CHD1L: variants seen among roughly 807,000 people sequenced by gnomAD.
CHD1L encodes the protein chromodomain helicase DNA binding protein 1 like.
CHD1L carries 118 observed loss-of-function variants against 115.9 expected under a neutral mutation model. That is an observed-to-expected ratio of 1.02 (90% CI 0.88 to 1.19). The LOEUF (loss-of-function observed/expected upper bound fraction) is 1.19, where lower values mean the gene tolerates loss of function less well. Among genes scored for constraint, CHD1L ranks in the 50% most tolerant of loss-of-function variants. The pLI, the probability that CHD1L is intolerant of heterozygous loss-of-function variation, is 0.00. For missense variants in CHD1L, 1,179 were observed against 1,065.3 expected (o/e 1.11, Z -1.49); for synonymous variants, 411 against 387.1 (o/e 1.06, Z -0.72).
At position 147,254,936 on chromosome 1, in the gene CHD1L, C is replaced by G; in HGVS notation, c.307C>G (p.Pro103Ala). The change falls in exon 3 of 23, where the codon CCC (proline) becomes GCC (alanine). Residue 103 changes from proline (P) to alanine (A), a missense_variant. Transcript: ENST00000369258. ...NDEGPFLILC[P>A]LSVLSNWKEE... is the part of the protein sequence containing the mutation. Reference sequence around the variant, plus strand: ...TGAAGGGCCATTTCTGATTCTTTGTCCCTTGTCTGTTTTGAGCAACTGGAA... The same window carrying G: ...TGAAGGGCCATTTCTGATTCTTTGTGCCTTGTCTGTTTTGAGCAACTGGAA... The G allele has an allele frequency of 6.2e-7, 1 of 1,610,152 alleles. No individual in the cohort carries two copies. Among genetic ancestry groups the G allele is most frequent in the Non-Finnish European group, 8.5e-7 (1 of 1,178,502 alleles).
chr1:147,230,618 G>A, the CHD1L span, among the ~76,000 whole-genome samples: 2 of 117,512 alleles, frequency 1.7e-5, no homozygotes, highest in Admixed American at 1.7e-4. Flanking sequence ...GGTAGAATTC[G>A]GCTGTGAATC....
the CHD1L span, chr1:147,203,477 T>C: frequency 1.2e-6 from 1 of 833,540 alleles, no homozygotes; most frequent in Non-Finnish European, 2.1e-6. Context: ...ACAGCCTCAG[T>C]ATCTAATCCA....
chr1:147,275,285 G>C, intron 12 of CHD1L, 69 bp from the exon 13 acceptor site: 1 of 1,165,228 alleles, frequency 8.6e-7, no homozygotes, highest in Non-Finnish European at 1.3e-6. Flanking sequence ...ACCCACTCTA[G>C]CCTTGTGCTT....
chr1:147,273,320 G>A (rs1442318016), intron 12 of CHD1L, among the ~76,000 whole-genome samples: 1 of 152,180 alleles, frequency 6.6e-6, no homozygotes, highest in Non-Finnish European at 1.5e-5. Context: ...CTCTATTAAA[G>A]ACAGATTGAC....
Position 147,264,601 on chromosome 1 carries a change from C to G in CHD1L, c.739+17C>G, listed in dbSNP as rs782144754. 2 of 1,610,352 alleles carry G rather than the reference C, an allele frequency of 1.2e-6. No individual in the cohort carries two copies. Among genetic ancestry groups the G allele is most frequent in the South Asian group, 2.2e-5 (2 of 90,530 alleles). On this transcript the variant is annotated intron_variant, in intron 7 of 22. Transcript: ENST00000369258. ...CTGAGTCAGGCAAGTTCCTTTCCTG[C>G]AAATCATCCCCAAGAAGCCTTGGCA...
chr1:147,204,933 G>A, the CHD1L span: 19 of 1,553,040 alleles, frequency 1.2e-5, no homozygotes, highest in Admixed American at 1.7e-5. Flanking sequence ...GAAGCGCCAT[G>A]GCCAGCCTGC....
intron 1 of CHD1L, among the ~76,000 whole-genome samples, chr1:147,245,407 C>T (rs1666291733): frequency 6.6e-6 from 1 of 152,174 alleles, no homozygotes; most frequent in South Asian, 2.1e-4. Context: ...GTCCCTGGGG[C>T]TGACAGTACC....
the CHD1L span, among the ~76,000 whole-genome samples, chr1:147,200,264 A>T: frequency 6.6e-6 from 1 of 152,190 alleles, no homozygotes. Context: ...GAGTAAATCT[A>T]ATCCTTCTTC....
chr1:147,250,925 A>G (rs61246702), intron 1 of CHD1L, among the ~76,000 whole-genome samples: 40,269 of 151,906 alleles, frequency 0.27, 6,444 homozygotes, highest in East Asian at 0.59. Context: ...CAGTTCCCCC[A>G]TATTATTCTC....
chr1:147,196,684 T>C, the CHD1L span, among the ~76,000 whole-genome samples: 1 of 152,152 alleles, frequency 6.6e-6, no homozygotes. Flanking sequence ...AATTTTGTTT[T>C]TGCAGTGTTT....
chr1:147,270,317 C>T (rs185691624), intron 10 of CHD1L, among the ~76,000 whole-genome samples: 1 of 152,326 alleles, frequency 6.6e-6, no homozygotes, highest in African/African-American at 2.4e-5. Context: ...TGCCGCCTTT[C>T]TTCCCTCCTC....
chr1:147,205,458 G>T, the CHD1L span, among the ~76,000 whole-genome samples: 1 of 152,070 alleles, frequency 6.6e-6, no homozygotes, highest in Non-Finnish European at 1.5e-5. Context: ...CATTTAACCT[G>T]AATATAATAA....
the CHD1L span, among the ~76,000 whole-genome samples, chr1:147,185,552 A>G: frequency 1.2e-4 from 19 of 152,186 alleles, no homozygotes; most frequent in Non-Finnish European, 2.4e-4. Flanking sequence ...AGGGCCGGCA[A>G]TTGTTCAAAT....
chr1:147,203,855 A>T, the CHD1L span: 1 of 1,580,694 alleles, frequency 6.3e-7, no homozygotes, highest in Non-Finnish European at 8.7e-7. Flanking sequence ...AAAAACCACC[A>T]CCTGAGTATC....
intron 1 of CHD1L, 23 bp from the exon 2 acceptor site, chr1:147,252,600 T>G: frequency 2.5e-6 from 4 of 1,576,936 alleles, no homozygotes; most frequent in Non-Finnish European, 3.5e-6. Context: ...GCTCTTCGGA[T>G]TTGCTGTATT....
the CHD1L span, chr1:147,203,478 A>G: frequency 1.2e-6 from 1 of 836,784 alleles, no homozygotes; most frequent in South Asian, 1.3e-5. Flanking sequence ...CAGCCTCAGT[A>G]TCTAATCCAA....
upstream of CHD1L, among the ~76,000 whole-genome samples, chr1:147,239,109 C>T (rs1304997893): frequency 1.3e-5 from 2 of 152,188 alleles, no homozygotes; most frequent in Non-Finnish European, 2.9e-5. Context: ...GCCCCTGCAC[C>T]TAGAACTGTT....
chr1:147,216,057 A>G, the CHD1L span: 1 of 682,692 alleles, frequency 1.5e-6, no homozygotes, highest in South Asian at 1.9e-5. Flanking sequence ...TCACACACAC[A>G]CCTTCCAGTA....
the CHD1L span, chr1:147,212,499 C>T: frequency 1.6e-4 from 255 of 1,613,804 alleles, no homozygotes; most frequent in East Asian, 2.5e-4. Flanking sequence ...CTTATAGTCT[C>T]GACTGTGGAA....
Sources: allele counts gnomAD v4.1 joint callset (sites outside exome capture counted in the v4.1 genomes callset), GRCh38; gene constraint gnomAD v4.1.1; transcripts MANE v1.5; gene names NCBI Gene and HGNC (gene_info 2026-07-23, HGNC 2026-07-21).